The following UTRN variants were observed in gnomAD, a reference collection of about 807,000 sequenced individuals.
UTRN encodes the protein dystrophin-related protein 1.
A neutral mutation model predicts 463.9 loss-of-function variants in UTRN; 283 were observed. That is an observed-to-expected ratio of 0.61 (90% CI 0.55 to 0.67). The LOEUF is 0.67. UTRN is among the 30% of genes least tolerant of loss of function. The pLI, the probability that UTRN is intolerant of heterozygous loss-of-function variation, is 0.00. For synonymous variants in UTRN, 1,442 were observed against 1,431.5 expected (o/e 1.01, Z -0.17); for missense variants, 3,922 against 4,084.3 (o/e 0.96, Z 1.08).
intron 52 of UTRN, among the ~76,000 whole-genome samples, chr6:144,680,204 A>G (rs923883190): frequency 1.3e-5 from 2 of 152,220 alleles, no homozygotes; most frequent in Non-Finnish European, 2.9e-5. Context: ...CAGAGGTTAG[A>G]GAATGACTTA....
rs147669799 is a variant in UTRN at position 144,786,356 on chromosome 6, G to A, written c.8835-2838G>A. Among the ~76,000 whole-genome samples, 513 of 152,284 alleles carry A rather than the reference G, an allele frequency of 3.4e-3. 2 individuals are homozygous for A. The highest frequency in any genetic ancestry group is 0.012 in the African/African-American group (486 of 41,550). ...GCTGGAGTGCAGTGGCATGATGTCA[G>A]CTCACTGCAACCTCTGACTCCCTGG... On this transcript the variant is annotated intron_variant, in intron 61 of 74. Coordinates refer to ENST00000367545, the MANE Select transcript of UTRN (RefSeq NM_007124.3).
intron 61 of UTRN, among the ~76,000 whole-genome samples, chr6:144,788,758 T>C (rs1021194106): frequency 6.6e-6 from 1 of 152,176 alleles, no homozygotes; most frequent in Non-Finnish European, 1.5e-5. Flanking sequence ...AGATGTGGTT[T>C]CTCCATGTTC....
intron 51 of UTRN, among the ~76,000 whole-genome samples, chr6:144,663,346 C>T (rs182697383): frequency 1.3e-5 from 2 of 148,420 alleles, no homozygotes; most frequent in East Asian, 3.9e-4. Flanking sequence ...GTTGACTAGT[C>T]CACCAACACA....
intron 2 of UTRN, among the ~76,000 whole-genome samples, chr6:144,309,239 C>G (rs73586982): frequency 0.042 from 6,333 of 152,282 alleles, 435 homozygotes; most frequent in African/African-American, 0.14. Flanking sequence ...TCTGTCCCCA[C>G]TGTTGCCGTT....
At chr6:144,583,653 T>TC (rs1802193622) in intron 51 of UTRN, 3 of 523,558 alleles carry the variant, frequency 5.7e-6, no homozygotes, top group Admixed American at 3.3e-5. Flanking sequence ...TTCTACTGTT[T>TC]CTCAGGCTCT....
chr6:144,426,064 A>C (rs1785266881), intron 6 of UTRN, among the ~76,000 whole-genome samples: 1 of 152,228 alleles, frequency 6.6e-6, no homozygotes, highest in African/African-American at 2.4e-5. Flanking sequence ...GTAATGTATA[A>C]AAGTGAGGTA....
intron 52 of UTRN, among the ~76,000 whole-genome samples, chr6:144,691,505 G>C (rs1264662650): frequency 6.6e-6 from 1 of 151,422 alleles, no homozygotes; most frequent in Non-Finnish European, 1.5e-5. Context: ...TTTTTTTCCT[G>C]AATTTTCACA....
chr6:144,422,728 G>A (rs569960057), intron 4 of UTRN, among the ~76,000 whole-genome samples: 41 of 152,116 alleles, frequency 2.7e-4, no homozygotes, highest in African/African-American at 8.0e-4. Context: ...TTTATGTGTG[G>A]GGTACTCCAA....
intron 1 of UTRN, among the ~76,000 whole-genome samples, chr6:144,287,274 C>CT (rs1226102775): frequency 1.3e-5 from 2 of 152,212 alleles, no homozygotes; most frequent in African/African-American, 4.8e-5. Context: ...TGAGACAACT[C>CT]TTTAACTCTC....
chr6:144,653,066 A>G (rs955562248), intron 51 of UTRN, among the ~76,000 whole-genome samples: 6 of 152,222 alleles, frequency 3.9e-5, no homozygotes, highest in African/African-American at 1.4e-4. Flanking sequence ...ATTTTCACAC[A>G]GTATAAAAGA....
At chr6:144,680,402 CATT>C (rs1305837988) in intron 52 of UTRN, among the ~76,000 whole-genome samples, 1 of 151,972 alleles carries the variant, frequency 6.6e-6, no homozygotes, top group Non-Finnish European at 1.5e-5. Context: ...AGTAAGTTAA[CATT>C]ATTTTTAGAA....
chr6:144,307,085 T>A (rs1458138248), intron 2 of UTRN, among the ~76,000 whole-genome samples: 1 of 151,810 alleles, frequency 6.6e-6, no homozygotes, highest in Non-Finnish European at 1.5e-5. Flanking sequence ...AATCAAGAAC[T>A]GTTGCATATT....
intron 2 of UTRN, among the ~76,000 whole-genome samples, chr6:144,345,604 G>GT (rs764637816): frequency 6.6e-6 from 1 of 152,154 alleles, no homozygotes; most frequent in Non-Finnish European, 1.5e-5. Context: ...GAACCTAGGA[G>GT]TTTGAGACTA....
At position 144,819,601 on chromosome 6, in the gene UTRN, G is replaced by A. The variant is rs966527620; in HGVS notation, c.9358-1281G>A. Among the ~76,000 whole-genome samples, 7 of 152,254 alleles carry A rather than the reference G, an allele frequency of 4.6e-5. No individual in the cohort carries two copies. In the South Asian group the frequency reaches 6.2e-4, roughly 14 times the overall value. Reference sequence around the variant, plus strand: ...CCAGCTACTCAGGAGGCTGAGGCACGAGAATCGGCTGAACTTGGGAGGCAG... The same window carrying A: ...CCAGCTACTCAGGAGGCTGAGGCACAAGAATCGGCTGAACTTGGGAGGCAG... On this transcript the variant is annotated intron_variant, in intron 65 of 74. Transcript: ENST00000367545.
At chr6:144,730,989 AAAT>A (rs1788455874) in intron 54 of UTRN, among the ~76,000 whole-genome samples, 1 of 151,244 alleles carries the variant, frequency 6.6e-6, no homozygotes, top group Non-Finnish European at 1.5e-5. Flanking sequence ...CTTAAAATTT[AAAT>A]AATAACTACC....
At chr6:144,323,952 A>T (rs1192571205) in intron 2 of UTRN, among the ~76,000 whole-genome samples, 1 of 152,196 alleles carries the variant, frequency 6.6e-6, no homozygotes, top group Non-Finnish European at 1.5e-5. Context: ...TCTGATCTGC[A>T]AGGTGGCCTT....
At chr6:144,533,521 G>A (rs574141669) in intron 43 of UTRN, among the ~76,000 whole-genome samples, 34 of 152,026 alleles carry the variant, frequency 2.2e-4, no homozygotes, top group Non-Finnish European at 4.4e-4. Context: ...ATGATATGGT[G>A]ATTATGATGG....
chr6:144,733,088 T>G (rs1452251716), intron 54 of UTRN, among the ~76,000 whole-genome samples: 1 of 152,204 alleles, frequency 6.6e-6, no homozygotes, highest in Non-Finnish European at 1.5e-5. Context: ...AGACTACTGA[T>G]TAAAGCACAC....
intron 2 of UTRN, among the ~76,000 whole-genome samples, chr6:144,389,453 C>G (rs542086828): frequency 6.6e-6 from 1 of 152,198 alleles, no homozygotes; most frequent in South Asian, 2.1e-4. Context: ...TTTTTTGGTG[C>G]AAAGAGGAAT....
Sources: allele counts gnomAD v4.1 joint callset (sites outside exome capture counted in the v4.1 genomes callset), GRCh38; gene constraint gnomAD v4.1.1; transcripts MANE v1.5; gene names NCBI Gene and HGNC (gene_info 2026-07-23, HGNC 2026-07-21).